The following SLC27A5 variants were observed in gnomAD, a reference collection of about 807,000 sequenced individuals.
SLC27A5 encodes the protein long-chain fatty acid transport protein 5.
Under a neutral mutation model 63.1 loss-of-function variants are expected in SLC27A5, and 47 were observed. The observed-to-expected ratio is 0.74, with a 90% CI of 0.59 to 0.95. The LOEUF (loss-of-function observed/expected upper bound fraction) is 0.95, where lower values mean the gene tolerates loss of function less well. Among genes scored for constraint, SLC27A5 ranks in the 40% least tolerant of loss-of-function variants. The pLI, the probability that SLC27A5 is intolerant of heterozygous loss-of-function variation, is 0.00. For missense variants in SLC27A5, 940 were observed against 921.0 expected (o/e 1.02, Z -0.27); for synonymous variants, 391 against 403.8 (o/e 0.97, Z 0.38).
intron 3 of SLC27A5, among the ~76,000 whole-genome samples, chr19:58,502,517 A>G (rs59807416): frequency 0.032 from 559 of 17,466 alleles, 17 homozygotes; most frequent in Non-Finnish European, 0.052. Context: ...GTGAGTGAGA[A>G]GATGGATGGG....
chr19:58,501,822 C>T (rs1254326741), intron 3 of SLC27A5, among the ~76,000 whole-genome samples: 5 of 152,250 alleles, frequency 3.3e-5, no homozygotes, highest in South Asian at 4.1e-4. Flanking sequence ...TACAAGCACC[C>T]GCCACCACAG....
Position 58,511,527 on chromosome 19 carries a change from G to C in SLC27A5, c.429C>G (p.Val143=). 1 of 1,567,016 alleles carries C rather than the reference G, an allele frequency of 6.4e-7. No individual in the cohort carries two copies. Among genetic ancestry groups the C allele is most frequent in the South Asian group, 1.2e-5 (1 of 85,944 alleles). ...LVWTGPGAGS[V]TFGELDARAC... Reference sequence around the variant, plus strand: ...CCCGGGCATCCAGCTCACCAAAGGTGACTGAGCCGGCCCCAGGCCCCGTCC... The same window carrying C: ...CCCGGGCATCCAGCTCACCAAAGGTCACTGAGCCGGCCCCAGGCCCCGTCC... Residue 143 remains valine (V), a synonymous_variant, in exon 1 of 10, where the codon GTC becomes GTG. Coordinates refer to ENST00000263093, the MANE Select transcript of SLC27A5 (RefSeq NM_012254.3).
chr19:58,509,415 TA>T (rs560422843), intron 3 of SLC27A5: 285 of 145,320 alleles, frequency 2.0e-3, no homozygotes, highest in Middle Eastern at 7.0e-3. Context: ...AAAATTAAAA[TA>T]AAAAAAAAAG....
chr19:58,510,574 GA>G (rs113221451), intron 2 of SLC27A5, 146 bp downstream of exon 2: 551 of 656,598 alleles, frequency 8.4e-4, no homozygotes, highest in South Asian at 2.7e-3. Flanking sequence ...ACTCTGCCTC[GA>G]AAAAAAAAAC....
At chr19:58,501,006 G>A in intron 4 of SLC27A5, 4 of 1,228,266 alleles carry the variant, frequency 3.3e-6, no homozygotes, top group Non-Finnish European at 4.1e-6. Flanking sequence ...TTAATTTAAT[G>A]GAAATTTAAT....
At chr19:58,501,050 G>C in intron 4 of SLC27A5, 1 of 1,217,680 alleles carries the variant, frequency 8.2e-7, no homozygotes, top group South Asian at 2.3e-5. Flanking sequence ...AAATTCTCAT[G>C]ATAGGGGTAG....
Position 58,500,571 on chromosome 19 carries a change from C to T in SLC27A5, c.1318G>A (p.Gly440Ser). ...CAGCGCCCCACATAGTTGACTAAGC[C>T]CATGTTGCCTTCTGTGGAGCCGTAG... ...EVYGSTEGNM[G>S]LVNYVGRCGA... The change falls in exon 5 of 10, where the codon GGC (glycine) becomes AGC (serine). Residue 440 changes from glycine to serine, a missense_variant. Coordinates refer to ENST00000263093, the MANE Select transcript of SLC27A5 (RefSeq NM_012254.3). The T allele has an allele frequency of 2.5e-6, 4 of 1,614,102 alleles. No individual in the cohort carries two copies. The highest frequency in any genetic ancestry group is 3.4e-6 in the Non-Finnish European group (4 of 1,180,028).
At chr19:58,505,851 A>AC (rs913927318) in intron 3 of SLC27A5, among the ~76,000 whole-genome samples, 4 of 146,810 alleles carry the variant, frequency 2.7e-5, no homozygotes. Context: ...CCCGACTCAA[A>AC]AAAAAAAAAA....
intron 3 of SLC27A5, chr19:58,507,313 C>G (rs900703930): frequency 1.3e-5 from 2 of 152,542 alleles, no homozygotes; most frequent in African/African-American, 4.8e-5. Flanking sequence ...TCAGGGACCC[C>G]TAACAGACGG....
chr19:58,505,569 C>T lies in SLC27A5; in HGVS notation c.1058-4159G>A, dbSNP rs143428105. On this transcript the variant is annotated intron_variant, in intron 3 of 9. Coordinates refer to ENST00000263093, the MANE Select transcript of SLC27A5 (RefSeq NM_012254.3). ...TAATTAAAAAAACAATTTGGCCGGG[C>T]GCAGTGGCTCACGCCTGTAATCCCA... Among the ~76,000 whole-genome samples, 1,276 of 151,612 alleles carry T rather than the reference C, an allele frequency of 8.4e-3. 10 individuals carry two copies. Among genetic ancestry groups the T allele is most frequent in the Non-Finnish European group, 0.014 (972 of 67,856 alleles).
chr19:58,499,335 G>GA (rs1371325809), intron 7 of SLC27A5, 115 bp from the exon 8 acceptor site: 1 of 1,291,990 alleles, frequency 7.7e-7, no homozygotes, highest in South Asian at 1.3e-5. Flanking sequence ...CCGCCCCCTC[G>GA]AAAATCGAGA....
At chr19:58,501,066 A>T in intron 4 of SLC27A5, 2 of 1,217,040 alleles carry the variant, frequency 1.6e-6, no homozygotes, top group Non-Finnish European at 2.2e-6. Context: ...GGTAGGGGCT[A>T]TTATCCCTGT....
Position 58,498,527 on chromosome 19 carries a change from G to A in SLC27A5, c.2061C>T (p.Thr687=). ...GTTGGCCAGGTGATCAGAGCCTCCA[G>A]GTTCCCTCACACACAGCCTGGTACA... ...AEMYQAVCEG[T]WRL Residue 687 remains threonine (T), a synonymous_variant, in exon 10 of 10, where the codon ACC becomes ACT. Transcript: ENST00000263093. The A allele has an allele frequency of 1.2e-6, 2 of 1,612,038 alleles. No homozygotes were observed. The highest frequency in any genetic ancestry group is 1.7e-6 in the Non-Finnish European group (2 of 1,178,640).
At chr19:58,502,930 G>GTC (rs2053296691) in intron 3 of SLC27A5, among the ~76,000 whole-genome samples, 1 of 152,174 alleles carries the variant, frequency 6.6e-6, no homozygotes, top group Non-Finnish European at 1.5e-5. Flanking sequence ...TAGGTGGCTG[G>GTC]GTGAGGATCG....
chr19:58,503,097 C>T (rs1364656627), intron 3 of SLC27A5, among the ~76,000 whole-genome samples: 3 of 151,320 alleles, frequency 2.0e-5, no homozygotes, highest in Non-Finnish European at 4.4e-5. Flanking sequence ...CCCAGCTACT[C>T]GGGAGGCTGA....
chr19:58,504,588 G>GA (rs2053322224), intron 3 of SLC27A5, among the ~76,000 whole-genome samples: 1 of 77,784 alleles, frequency 1.3e-5, no homozygotes, highest in African/African-American at 5.3e-5. Context: ...GGGGGGGGGG[G>GA]GCGGGCGGGG....
In SLC27A5 at chr19:58,511,666, A is replaced by G. The variant is rs148436876; in HGVS notation, c.290T>C (p.Ile97Thr). The G allele has an allele frequency of 3.3e-5, 52 of 1,591,872 alleles. No homozygotes were observed. The highest frequency in any genetic ancestry group is 4.4e-5 in the Non-Finnish European group (52 of 1,169,360). ...LPADVIFLAK[I>T]LHLGLKIRGC... ...CCTGATCTTCAGGCCCAGGTGGAGG[A>G]TCTTGGCCAAGAAGATCACATCAGC... The change falls in exon 1 of 10, where the codon ATC becomes ACC. Residue 97 changes from isoleucine to threonine, a missense_variant. Coordinates refer to ENST00000263093, the MANE Select transcript of SLC27A5 (RefSeq NM_012254.3).
chr19:58,511,027 A>G, intron 1 of SLC27A5, 97 bp from the exon 2 acceptor site: 1 of 1,037,254 alleles, frequency 9.6e-7, no homozygotes, highest in Non-Finnish European at 1.4e-6. Flanking sequence ...AGGAGCAGCT[A>G]GTAGAGAAAA....
intron 3 of SLC27A5, chr19:58,508,914 T>G (rs2053377884): frequency 6.6e-6 from 1 of 151,382 alleles, no homozygotes. Flanking sequence ...TAGTCTCTAG[T>G]AAAAATACAA....
Sources: gnomAD v4.1 joint callset for allele counts (sites outside exome capture counted in the v4.1 genomes callset) on GRCh38, gnomAD v4.1.1 for gene constraint, MANE v1.5 for transcripts, NCBI Gene and HGNC (gene_info 2026-07-23, HGNC 2026-07-21) for gene names.